The following OTOGL variants were observed in gnomAD, a reference collection of about 807,000 sequenced individuals.
The protein encoded by OTOGL is otogelin like.
A neutral mutation model predicts 318.5 loss-of-function variants in OTOGL; 285 were observed. The ratio of observed to expected loss-of-function variants is 0.89; its 90% CI spans 0.81 to 0.99. The LOEUF is 0.99. OTOGL is among the 50% of genes least tolerant of loss of function. OTOGL has a pLI of 0.00. For synonymous variants in OTOGL, 987 were observed against 936.5 expected, an observed-to-expected ratio of 1.05 and a Z score of -0.99; for missense variants, 2,899 against 2,845.6, an observed-to-expected ratio of 1.02 and a Z score of -0.43.
At chr12:80,278,946 A>G in intron 25 of OTOGL, 82 bp from the exon 26 acceptor site, 2 of 1,469,612 alleles carry the variant, frequency 1.4e-6, no homozygotes, top group Non-Finnish European at 1.9e-6. Context: ...TCTTGAATAC[A>G]GACATTCCAA....
Position 80,251,774 on chromosome 12 carries a change from C to G in OTOGL, c.1134C>G (p.Asp378Glu). The change falls in exon 12 of 59, where the codon GAC (aspartate) becomes GAG (glutamate). Residue 378 changes from aspartate to glutamate, a missense_variant. Coordinates refer to ENST00000547103, the MANE Select transcript of OTOGL (RefSeq NM_001378609.3). ...CTCATGCTGGCTACCCTATTCAAGA[C>G]TGGAGAGATGACTTTCCAGCATGCA... ...ACSHAGYPIQ[D>E]WRDDFPACTD... 6.3e-7 allele frequency: 1 copy of G among 1,585,840 alleles called. No individual in the cohort carries two copies. Among genetic ancestry groups the G allele is most frequent in the Non-Finnish European group, 8.6e-7 (1 of 1,164,788 alleles).
chr12:80,298,811 G>A (rs1885577780), intron 27 of OTOGL, among the ~76,000 whole-genome samples: 1 of 152,176 alleles, frequency 6.6e-6, no homozygotes, highest in Non-Finnish European at 1.5e-5. Context: ...GGAGCATGGG[G>A]TAAAGGCAAT....
chr12:80,123,558 T>C (rs1246600342), intron 1 of OTOGL, among the ~76,000 whole-genome samples: 1 of 152,200 alleles, frequency 6.6e-6, no homozygotes, highest in African/African-American at 2.4e-5. Context: ...CAGTCAGTAA[T>C]GGCATGGCTG....
At chr12:80,319,926 A>G (rs1269965557) in intron 33 of OTOGL, among the ~76,000 whole-genome samples, 1 of 152,186 alleles carries the variant, frequency 6.6e-6, no homozygotes, top group Non-Finnish European at 1.5e-5. Context: ...TCTTTCAAGA[A>G]CATTTGCTCA....
rs557947188 is a variant in OTOGL at position 80,320,532 on chromosome 12, C to G, written c.3913C>G (p.Arg1305Gly). Residue 1305 changes from arginine to glycine, a missense_variant, in exon 34 of 59, where the codon CGG (arginine) becomes GGG (glycine). By Grantham distance (125) the Arg-to-Gly change is moderately radical. This residue lies in a region of OTOGL where 2,607 missense variants were observed against 2,524.9 expected (regional missense o/e 1.03). Coordinates refer to ENST00000547103, the MANE Select transcript of OTOGL (RefSeq NM_001378609.3). ...GTGGGAGGCGAATTCAGCCTTTCAT[C>G]GGAGAGCAACATTTTTCCACCATCA... ...ELWEANSAFH[R>G]RATFFHHQGL... is the part of the protein sequence containing the mutation. 2 of 1,613,598 alleles carry G rather than the reference C, an allele frequency of 1.2e-6. No homozygotes were observed. The highest frequency in any genetic ancestry group is 1.7e-5 in the Admixed American group (1 of 59,920).
intron 1 of OTOGL, among the ~76,000 whole-genome samples, chr12:80,112,312 G>A (rs1175780948): frequency 6.6e-6 from 1 of 152,152 alleles, no homozygotes; most frequent in Non-Finnish European, 1.5e-5. Context: ...GGGCATTCTT[G>A]TCTTGTGCCA....
At position 80,124,441 on chromosome 12, in the gene OTOGL, C is replaced by A. The variant is rs534436048; in HGVS notation, c.-20+24836C>A. Among the ~76,000 whole-genome samples the A allele has an allele frequency of 3.8e-3, 571 of 152,188 alleles. 1 individual carries two copies. The highest frequency in any genetic ancestry group is 8.3e-3 in the South Asian group (40 of 4,816). On this transcript the variant is annotated intron_variant, in intron 1 of 58. Transcript: ENST00000547103. ...TACCATGCTGTTTTGGTTACTGTAG[C>A]CTTGTAGTATGGTTTGAAGTCAGGT...
chr12:80,338,991 A>C (rs1201957145), intron 42 of OTOGL, 84 bp from the exon 43 acceptor site: 4 of 1,136,108 alleles, frequency 3.5e-6, no homozygotes, highest in Non-Finnish European at 4.9e-6. Flanking sequence ...TTTACATTAA[A>C]TCAGAATAAA....
chr12:80,350,794 T>C (rs993656009), intron 44 of OTOGL, among the ~76,000 whole-genome samples: 3 of 152,234 alleles, frequency 2.0e-5, no homozygotes, highest in Non-Finnish European at 2.9e-5. Flanking sequence ...CTTATGTATT[T>C]TGGATATTAA....
chr12:80,345,147 T>C (rs987327941), intron 44 of OTOGL, among the ~76,000 whole-genome samples: 5 of 136,978 alleles, frequency 3.7e-5, no homozygotes, highest in South Asian at 2.1e-4. Flanking sequence ...ATATATTATA[T>C]GTTATATTAT....
At position 80,310,711 on chromosome 12, in the gene OTOGL, C is replaced by G; in HGVS notation, c.3434C>G (p.Ala1145Gly). 6.3e-7 allele frequency: 1 copy of G among 1,575,006 alleles called. No homozygotes were observed. The highest frequency in any genetic ancestry group is 8.6e-7 in the Non-Finnish European group (1 of 1,157,700). The change falls in exon 30 of 59, where the codon GCT (alanine) becomes GGT (glycine). Residue 1145 changes from alanine (A) to glycine (G), a missense_variant. Ala to Gly is a moderately conservative substitution (Grantham distance 60). This residue lies in a region of OTOGL where 2,607 missense variants were observed against 2,524.9 expected (regional missense o/e 1.03). Coordinates refer to ENST00000547103, the MANE Select transcript of OTOGL (RefSeq NM_001378609.3). ...ECSILYSDIF[A>G]SCRNVIDVTS... ...TCCATTTTGTACAGTGATATTTTTGCTTCTTGTCGCAATGTGGTAAATGAA... is the reference window on the plus strand; with the variant it reads ...TCCATTTTGTACAGTGATATTTTTGGTTCTTGTCGCAATGTGGTAAATGAA...
chr12:80,216,777 T>C (rs1293049804), intron 4 of OTOGL, among the ~76,000 whole-genome samples: 1 of 152,126 alleles, frequency 6.6e-6, no homozygotes, highest in Non-Finnish European at 1.5e-5. Context: ...CTTTGTTTGA[T>C]TCAAAATTCA....
intron 44 of OTOGL, among the ~76,000 whole-genome samples, chr12:80,347,322 A>G (rs901550828): frequency 1.3e-5 from 2 of 151,412 alleles, no homozygotes; most frequent in South Asian, 2.1e-4. Context: ...GACGGGTTGT[A>G]TGATGTTCCC....
At chr12:80,149,407 A>T (rs897281422) in intron 1 of OTOGL, among the ~76,000 whole-genome samples, 1 of 152,152 alleles carries the variant, frequency 6.6e-6, no homozygotes, top group Non-Finnish European at 1.5e-5. Context: ...GACCCACTTG[A>T]GGAGGCAGTC....
chr12:80,336,177 T>C (rs781585064), intron 39 of OTOGL, 37 bp downstream of exon 39: 1 of 1,527,658 alleles, frequency 6.5e-7, no homozygotes, highest in Non-Finnish European at 8.7e-7. Flanking sequence ...TCTTTTTTTT[T>C]TTTTTTTAAT....
chr12:80,222,020 A>G (rs1422322048), intron 6 of OTOGL, 71 bp from the exon 7 acceptor site: 2 of 1,451,094 alleles, frequency 1.4e-6, no homozygotes, highest in Non-Finnish European at 1.9e-6. Context: ...ATCATTTACC[A>G]TGACTGACTG....
Position 80,313,569 on chromosome 12 carries a change from G to A in OTOGL, c.3544G>A (p.Ala1182Thr). ...DCECLCTSIAAYAYKCCQEGI... is the reference protein window; with the variant it reads ...DCECLCTSIATYAYKCCQEGI... ...TGAGTGTTTGTGCACTAGTATAGCT[G>A]CATATGCATACAAGTGTTGTCAGGA... The change falls in exon 31 of 59, where the codon GCA (alanine) becomes ACA (threonine). Residue 1182 changes from alanine to threonine, a missense_variant. Ala to Thr is a moderately conservative substitution (Grantham distance 58). Coordinates refer to ENST00000547103, the MANE Select transcript of OTOGL (RefSeq NM_001378609.3). 3 of 1,612,182 alleles carry A rather than the reference G, an allele frequency of 1.9e-6. No individual in the cohort carries two copies. Among genetic ancestry groups the A allele is most frequent in the Non-Finnish European group, 2.5e-6 (3 of 1,178,572 alleles).
At chr12:80,352,832 C>G (rs1889637268) in intron 45 of OTOGL, among the ~76,000 whole-genome samples, 1 of 152,152 alleles carries the variant, frequency 6.6e-6, no homozygotes. Flanking sequence ...ATTGACAATC[C>G]ACAAGGATTT....
At chr12:80,324,694 G>C (rs182549964) in intron 35 of OTOGL, among the ~76,000 whole-genome samples, 9 of 152,276 alleles carry the variant, frequency 5.9e-5, no homozygotes, top group Non-Finnish European at 1.3e-4. Flanking sequence ...GACCAGGTTG[G>C]TGGCCCGAGA....
Sources: allele counts gnomAD v4.1 joint callset (sites outside exome capture counted in the v4.1 genomes callset), GRCh38; gene constraint gnomAD v4.1.1; regional missense constraint gnomAD v4.1.1; transcripts MANE v1.5; gene names NCBI Gene and HGNC (gene_info 2026-07-23, HGNC 2026-07-21).